Variants in PRUNE2 observed in about 807,000 individuals in gnomAD.
PRUNE2 encodes prune homolog 2 with BCH domain.
A neutral mutation model predicts 252.0 loss-of-function variants in PRUNE2; 164 were observed. That is an observed-to-expected ratio of 0.65 (90% CI 0.57 to 0.74). The LOEUF (loss-of-function observed/expected upper bound fraction) is 0.74. PRUNE2 is among the 30% of genes least tolerant of loss of function. PRUNE2 has a pLI of 0.00. For synonymous variants in PRUNE2, 1,292 were observed against 1,350.2 expected (o/e 0.96, Z 0.94); for missense variants, 3,495 against 3,711.0 (o/e 0.94, Z 1.51).
At chr9:76,889,962 C>A (rs748732843) in intron 1 of PRUNE2, among the ~76,000 whole-genome samples, 6 of 152,194 alleles carry the variant, frequency 3.9e-5, no homozygotes, top group African/African-American at 4.8e-5. Flanking sequence ...CGCCTTTCAG[C>A]GAGATTCCCA....
At chr9:76,670,773 C>T (rs2041263854) in intron 9 of PRUNE2, among the ~76,000 whole-genome samples, 1 of 151,732 alleles carries the variant, frequency 6.6e-6, no homozygotes, top group South Asian at 2.1e-4. Context: ...AACTGGGAGG[C>T]ACCCCCCAGC....
intron 5 of PRUNE2, among the ~76,000 whole-genome samples, chr9:76,824,031 A>T (rs933439719): frequency 1.3e-5 from 2 of 152,188 alleles, no homozygotes; most frequent in Admixed American, 1.3e-4. Context: ...GCATCCAGAG[A>T]CTAGCAAAGG....
chr9:76,854,025 T>C (rs2060106734), intron 2 of PRUNE2, 79 bp downstream of exon 2: 2 of 686,626 alleles, frequency 2.9e-6, no homozygotes, highest in South Asian at 2.3e-5. Context: ...AATAGGTTCC[T>C]TTGTTTAGAG....
intron 6 of PRUNE2, among the ~76,000 whole-genome samples, chr9:76,820,595 G>T (rs969688027): frequency 6.6e-6 from 1 of 152,198 alleles, no homozygotes; most frequent in African/African-American, 2.4e-5. Flanking sequence ...CATTGAAAAT[G>T]CAAGGAATCT....
chr9:76,704,030 T>G lies in PRUNE2; in HGVS notation c.7583A>C (p.Lys2528Thr), dbSNP rs778972119. 17 of 1,613,452 alleles carry G rather than the reference T, an allele frequency of 1.1e-5. No homozygotes were observed. Among genetic ancestry groups the G allele is most frequent in the Non-Finnish European group, 1.4e-5 (17 of 1,179,760 alleles). ...TIPTKEPEQIKSEYKEERCTE... is the reference protein window; with the variant it reads ...TIPTKEPEQITSEYKEERCTE... ...ACATCTTTCTTCCTTGTATTCTGAT[T>G]TTATCTGCTCAGGCTCTTTGGTAGG... is the stretch of plus-strand genomic sequence containing the variant. Residue 2528 changes from lysine to threonine, a missense_variant, in exon 9 of 19, where the codon AAA becomes ACA. Coordinates refer to ENST00000376718, the MANE Select transcript of PRUNE2 (RefSeq NM_015225.3).
rs796197139 is a variant in PRUNE2, at chr9:76,776,518, CTTTTTTTTT to C, written c.756+47105_756+47113del. Among the ~76,000 whole-genome samples, 308 of 122,854 alleles carry C rather than the reference CTTTTTTTTT, an allele frequency of 2.5e-3. 3 individuals are homozygous for C. Among genetic ancestry groups the C allele is most frequent in the African/African-American group, 9.1e-3 (301 of 32,940 alleles). The allele number at this position is 122,854 out of a possible 152,430, so 80.6% of individuals were successfully genotyped here. On this transcript the variant is annotated intron_variant, in intron 6 of 18. Coordinates refer to ENST00000376718, the MANE Select transcript of PRUNE2 (RefSeq NM_015225.3). ...CATTTTCTTTTTTTTTTTCTTTTTT[CTTTTTTTTT>C]TTTTTTTGAGATGAGTCTCGCTCTG...
In PRUNE2 at chr9:76,703,321, C is replaced by A. The variant is rs774488641; in HGVS notation, c.8276+16G>T. The A allele has an allele frequency of 2.6e-6, 4 of 1,546,168 alleles. No individual in the cohort carries two copies. The African/African-American group carries it at 5.5e-5, about 21-fold the overall frequency. ...TTGCTTTTCAGGAAAAAAAATAAAT[C>A]TAGCTTTTTGCTTACCCATTTGGTC... On this transcript the variant is annotated intron_variant, in intron 9 of 18. Transcript: ENST00000376718.
chr9:76,700,874 G>T (rs1174674161), intron 9 of PRUNE2, among the ~76,000 whole-genome samples: 1 of 152,168 alleles, frequency 6.6e-6, no homozygotes, highest in Non-Finnish European at 1.5e-5. Context: ...AAGTGAAATA[G>T]CGCAGAGTGC....
chr9:76,865,551 G>A (rs878968941), intron 1 of PRUNE2, among the ~76,000 whole-genome samples: 1 of 152,116 alleles, frequency 6.6e-6, no homozygotes, highest in East Asian at 1.9e-4. Context: ...CTAAGGCAGC[G>A]TGCTGCACAC....
chr9:76,653,973 T>A (rs968724365), intron 10 of PRUNE2, among the ~76,000 whole-genome samples: 1 of 152,174 alleles, frequency 6.6e-6, no homozygotes, highest in Non-Finnish European at 1.5e-5. Flanking sequence ...CCTACTGTAG[T>A]ATAATAAGAA....
At chr9:76,711,580 C>T (rs2046735125) in intron 7 of PRUNE2, among the ~76,000 whole-genome samples, 1 of 152,180 alleles carries the variant, frequency 6.6e-6, no homozygotes, top group South Asian at 2.1e-4. Flanking sequence ...TCCAGGTGCT[C>T]GATTTTGAAG....
intron 15 of PRUNE2, among the ~76,000 whole-genome samples, chr9:76,630,004 A>G (rs1422133098): frequency 6.6e-6 from 1 of 152,160 alleles, no homozygotes; most frequent in East Asian, 1.9e-4. Context: ...ACCATTAGTA[A>G]ATGGCAGAGC....
intron 1 of PRUNE2, among the ~76,000 whole-genome samples, chr9:76,881,293 G>A (rs1281654751): frequency 1.3e-5 from 2 of 151,890 alleles, no homozygotes; most frequent in Non-Finnish European, 2.9e-5. Context: ...GAGTGGAAAG[G>A]GATCTAAGAC....
rs150872416 is a variant in PRUNE2, at chr9:76,619,084, AT to A, written c.9236+255del. ...GTTCTTACATCTGGTCCTAATATTC[AT>A]TTTCTTCCCATTTTTGGATTGGAAA... On this transcript the variant is annotated intron_variant, in intron 18 of 18. Transcript: ENST00000376718. Among the ~76,000 whole-genome samples the A allele has an allele frequency of 5.6e-3, 849 of 152,094 alleles. 6 individuals carry two copies. Among genetic ancestry groups the A allele is most frequent in the African/African-American group, 0.02 (818 of 41,460 alleles).
chr9:76,889,067 T>A (rs1174229605), intron 1 of PRUNE2, among the ~76,000 whole-genome samples: 4 of 152,004 alleles, frequency 2.6e-5, no homozygotes. Context: ...GGTCTTGAAC[T>A]CCTGAACTCC....
intron 12 of PRUNE2, among the ~76,000 whole-genome samples, chr9:76,641,728 G>A (rs906927600): frequency 2.1e-5 from 1 of 46,822 alleles, no homozygotes; most frequent in Non-Finnish European, 4.1e-5. Flanking sequence ...TGGGTGGGGT[G>A]CATGAGCAAC....
intron 17 of PRUNE2, among the ~76,000 whole-genome samples, chr9:76,620,626 G>A (rs922593487): frequency 6.6e-6 from 1 of 152,106 alleles, no homozygotes; most frequent in Non-Finnish European, 1.5e-5. Context: ...TATCTCCCCA[G>A]GTGAGATAGC....
At chr9:76,691,378 C>G (rs1156235481) in intron 9 of PRUNE2, among the ~76,000 whole-genome samples, 11 of 152,170 alleles carry the variant, frequency 7.2e-5, no homozygotes, top group Admixed American at 7.2e-4. Context: ...ATTTAATAAC[C>G]TGTGTATTCC....
intron 6 of PRUNE2, among the ~76,000 whole-genome samples, chr9:76,775,447 C>T (rs1443606230): frequency 6.6e-6 from 1 of 150,664 alleles, no homozygotes; most frequent in Non-Finnish European, 1.5e-5. Context: ...CAGGCATGCA[C>T]TACCATGCCC....
Sources: gnomAD v4.1 joint callset for allele counts (sites outside exome capture counted in the v4.1 genomes callset) on GRCh38, gnomAD v4.1.1 for gene constraint, MANE v1.5 for transcripts, NCBI Gene and HGNC (gene_info 2026-07-23, HGNC 2026-07-21) for gene names.